PUM1: variants seen among roughly 807,000 people sequenced by gnomAD.
The protein encoded by PUM1 is pumilio homolog 1.
A neutral mutation model predicts 131.8 loss-of-function variants in PUM1; 13 were observed. That is an observed-to-expected ratio of 0.10 (90% CI 0.06 to 0.16). The LOEUF (loss-of-function observed/expected upper bound fraction) is 0.16, where lower values mean the gene tolerates loss of function less well. PUM1 is among the 10% of genes least tolerant of loss of function. The pLI is 1.00. For synonymous variants in PUM1, 509 were observed against 556.5 expected (o/e 0.91, Z 1.20); for missense variants, 961 against 1,512.4 (o/e 0.64, Z 6.05).
At chr1:30,943,572 A>G (rs530589106) in intron 18 of PUM1, among the ~76,000 whole-genome samples, 48 of 152,264 alleles carry the variant, frequency 3.2e-4, no homozygotes, top group African/African-American at 1.1e-3. Context: ...CATTTTTAAA[A>G]AATGCAATCC....
At chr1:30,952,023 A>G (rs1429642693) in intron 16 of PUM1, among the ~76,000 whole-genome samples, 1 of 152,218 alleles carries the variant, frequency 6.6e-6, no homozygotes, top group East Asian at 1.9e-4. Context: ...TTTCCAAAAT[A>G]GATTGGCATT....
rs555982500 is a variant in PUM1 at position 30,949,139 on chromosome 1, T to C, written c.2856+988A>G. On this transcript the variant is annotated intron_variant, in intron 17 of 21. Coordinates refer to ENST00000426105, the MANE Select transcript of PUM1 (RefSeq NM_001020658.2). ...TTGTCTGGCTCAGAACTTGAGTCCATTAACAAAGATTCTCATTACCGAACT... is the reference window on the plus strand; with the variant it reads ...TTGTCTGGCTCAGAACTTGAGTCCACTAACAAAGATTCTCATTACCGAACT... The C allele has an allele frequency of 1.4e-3, 635 of 442,438 alleles. 2 individuals are homozygous for C. The highest frequency in any genetic ancestry group is 2.6e-3 in the Admixed American group (104 of 40,560). The allele number at this position is 442,438 out of a possible 1,614,324, so 27.4% of individuals were successfully genotyped here. A position where few individuals can be genotyped will look rare whatever the true frequency, so the allele number is the denominator to read the frequency against.
intron 10 of PUM1, 57 bp downstream of exon 10, chr1:30,974,594 A>AG: frequency 1.4e-6 from 2 of 1,478,940 alleles, no homozygotes; most frequent in Non-Finnish European, 1.8e-6. Flanking sequence ...ATTACCTATT[A>AG]ATTATCCACA....
chr1:30,993,271 G>A (rs868226893), intron 6 of PUM1, among the ~76,000 whole-genome samples: 1 of 149,968 alleles, frequency 6.7e-6, no homozygotes, highest in Non-Finnish European at 1.5e-5. Context: ...CCCTGTTAAG[G>A]AGACAATTCT....
At position 30,953,711 on chromosome 1, in the gene PUM1, C is replaced by T. The variant is rs528729806; in HGVS notation, c.2591+3G>A. ...CCTTAAAGTGCCAAAGCCAAGTACTCACCTGGACCCATGCTGGTCTTGGGA... is the reference window on the plus strand; with the variant it reads ...CCTTAAAGTGCCAAAGCCAAGTACTTACCTGGACCCATGCTGGTCTTGGGA... On this transcript the variant is annotated splice_donor_region_variant and intron_variant, in intron 15 of 21. Transcript: ENST00000426105. The T allele has an allele frequency of 7.5e-5, 121 of 1,614,202 alleles. 1 individual carries two copies. In the South Asian group the frequency reaches 1.3e-3, roughly 17 times the overall value.
At chr1:31,027,347 A>G (rs764987610) in intron 3 of PUM1, among the ~76,000 whole-genome samples, 1 of 152,242 alleles carries the variant, frequency 6.6e-6, no homozygotes, top group Non-Finnish European at 1.5e-5. Flanking sequence ...GCTTAGAATT[A>G]TAGGAGTAAG....
At chr1:30,964,634 G>C in intron 14 of PUM1, 40 bp downstream of exon 14, 1 of 1,523,414 alleles carries the variant, frequency 6.6e-7, no homozygotes, top group Non-Finnish European at 9.1e-7. Flanking sequence ...TGGCAAGAGA[G>C]TTCTAGAGTT....
At chr1:31,045,397 CA>C (rs1643927867) in intron 2 of PUM1, among the ~76,000 whole-genome samples, 1 of 152,146 alleles carries the variant, frequency 6.6e-6, no homozygotes, top group Admixed American at 6.5e-5. Context: ...CTCAGCCTCC[CA>C]AAGTGCTGGG....
In PUM1 at chr1:30,945,488, T is replaced by C; in HGVS notation, c.2857-5A>G. On this transcript the variant is annotated splice_region_variant and splice_polypyrimidine_tract_variant and intron_variant, in intron 17 of 21. Coordinates refer to ENST00000426105, the MANE Select transcript of PUM1 (RefSeq NM_001020658.2). ...TAGTTCCCGAACCATCTCATTCTAA[T>C]GGAGACAAAGAAAGCACCACCAGAA... The C allele has an allele frequency of 6.2e-7, 1 of 1,613,918 alleles. No individual in the cohort carries two copies. Among genetic ancestry groups the C allele is most frequent in the Non-Finnish European group, 8.5e-7 (1 of 1,179,966 alleles).
Position 31,035,912 on chromosome 1 carries a change from T to A in PUM1, c.364-7048A>T, listed in dbSNP as rs542491994. Among the ~76,000 whole-genome samples the A allele has an allele frequency of 2.6e-5, 4 of 152,302 alleles. No homozygotes were observed. In the East Asian group the frequency reaches 7.7e-4, roughly 29 times the overall value. On this transcript the variant is annotated intron_variant, in intron 2 of 21. Transcript: ENST00000426105. ...TATTGCATGATGTTATGAATGAATG[T>A]TCATATCATTTATTAACTGTCAATA...
At chr1:31,042,047 G>C (rs920927113) in intron 2 of PUM1, among the ~76,000 whole-genome samples, 3 of 152,092 alleles carry the variant, frequency 2.0e-5, no homozygotes, top group Non-Finnish European at 4.4e-5. Context: ...GCTCACGCCT[G>C]TAATCCCAGG....
chr1:30,942,196 TATATATATATATATATATATATATATA>T, intron 18 of PUM1, 73 bp from the exon 19 acceptor site: 1 of 21,394 alleles, frequency 4.7e-5, no homozygotes, highest in Non-Finnish European at 1.2e-4. Flanking sequence ...ATTGTTTATA[TATATATATATATATATATATATATATA>T]TATATATATA....
chr1:31,061,266 C>G (rs1428401989), intron 1 of PUM1, among the ~76,000 whole-genome samples: 1 of 152,134 alleles, frequency 6.6e-6, no homozygotes, highest in African/African-American at 2.4e-5. Context: ...GAAGACCAGC[C>G]TAGGCAACAC....
At chr1:31,051,242 G>C (rs947286626) in intron 2 of PUM1, among the ~76,000 whole-genome samples, 5 of 150,880 alleles carry the variant, frequency 3.3e-5, no homozygotes, top group Non-Finnish European at 5.9e-5. Context: ...TGTTAAGATG[G>C]CCACACCAAG....
chr1:31,060,068 G>A (rs1044875716), intron 1 of PUM1, among the ~76,000 whole-genome samples: 7 of 150,564 alleles, frequency 4.6e-5, no homozygotes, highest in African/African-American at 1.5e-4. Context: ...GGCTGGTCTC[G>A]AACTCCCGAC....
chr1:30,943,763 C>T (rs1462929931), intron 18 of PUM1, among the ~76,000 whole-genome samples: 4 of 152,216 alleles, frequency 2.6e-5, no homozygotes, highest in Non-Finnish European at 5.9e-5. Flanking sequence ...AATGTCTATT[C>T]CCACCAGCAG....
At chr1:30,979,901 T>C (rs764519769) in intron 9 of PUM1, among the ~76,000 whole-genome samples, 161 bp downstream of exon 9, 8 of 152,198 alleles carry the variant, frequency 5.3e-5, no homozygotes, top group African/African-American at 9.6e-5. Context: ...GGGCCTATGA[T>C]ACAGCTACGG....
intron 14 of PUM1, among the ~76,000 whole-genome samples, chr1:30,956,093 C>T (rs923498315): frequency 3.3e-5 from 5 of 152,146 alleles, no homozygotes; most frequent in South Asian, 2.1e-4. Flanking sequence ...AAGGCCCTTT[C>T]GGGGTCTGAA....
intron 18 of PUM1, among the ~76,000 whole-genome samples, 178 bp from the exon 19 acceptor site, chr1:30,942,301 GGT>G (rs1297673535): frequency 1.4e-5 from 2 of 141,646 alleles, no homozygotes; most frequent in African/African-American, 2.7e-5. Context: ...CATATAATAA[GGT>G]GTGTGTGTAT....
Sources: allele counts gnomAD v4.1 joint callset (sites outside exome capture counted in the v4.1 genomes callset), GRCh38; gene constraint gnomAD v4.1.1; transcripts MANE v1.5; gene names NCBI Gene and HGNC (gene_info 2026-07-23, HGNC 2026-07-21).